AGTPBP1: variants seen among roughly 807,000 people sequenced by gnomAD.
AGTPBP1 encodes the protein ATP/GTP binding carboxypeptidase 1.
In AGTPBP1, 70 loss-of-function variants were observed where a neutral mutation model predicts 143.9. The observed-to-expected ratio is 0.49, with a 90% CI of 0.40 to 0.59. AGTPBP1 has a LOEUF of 0.59. Ranked by LOEUF, AGTPBP1 falls within the 20% of genes least tolerant of loss-of-function variation. The pLI is 0.00. For synonymous variants in AGTPBP1, 463 were observed against 500.2 expected, an observed-to-expected ratio of 0.93 and a Z score of 0.99; for missense variants, 1,229 against 1,464.5, an observed-to-expected ratio of 0.84 and a Z score of 2.62.
chr9:85,741,330 A>T (rs569304388), intron 1 of AGTPBP1: 1 of 985,378 alleles, frequency 1.0e-6, no homozygotes, highest in East Asian at 1.1e-4. Context: ...CCCGCGATTC[A>T]GCGGCCCGCT....
intron 13 of AGTPBP1, among the ~76,000 whole-genome samples, chr9:85,639,367 G>GCGCACA (rs1554713133): frequency 0.018 from 2,614 of 147,298 alleles, 32 homozygotes; most frequent in East Asian, 0.059. Context: ...GCGCGCACGC[G>GCGCACA]CACACACACA....
At chr9:85,692,887 T>C in intron 2 of AGTPBP1, 74 bp from the exon 3 acceptor site, 1 of 1,503,920 alleles carries the variant, frequency 6.6e-7, no homozygotes, top group Non-Finnish European at 9.0e-7. Flanking sequence ...GATCACTGTT[T>C]AAAAAACAAT....
intron 13 of AGTPBP1, among the ~76,000 whole-genome samples, chr9:85,640,065 T>C (rs909489077): frequency 4.6e-5 from 7 of 152,130 alleles, no homozygotes; most frequent in African/African-American, 1.4e-4. Context: ...CAAATGAAAG[T>C]GGAAAAAGTC....
upstream of AGTPBP1, among the ~76,000 whole-genome samples, chr9:85,744,186 C>T (rs1824556840): frequency 6.6e-6 from 1 of 152,082 alleles, no homozygotes; most frequent in South Asian, 2.1e-4. Flanking sequence ...CTGCCTTAGC[C>T]TCCCAAAATG....
intron 22 of AGTPBP1, 123 bp downstream of exon 22, chr9:85,586,708 T>C (rs968101471): frequency 5.3e-5 from 64 of 1,215,792 alleles, no homozygotes; most frequent in South Asian, 1.5e-4. Context: ...TTCAACCTTA[T>C]AAAATTAAGA....
At chr9:85,692,548 A>T in intron 3 of AGTPBP1, 141 bp downstream of exon 3, 1 of 965,230 alleles carries the variant, frequency 1.0e-6, no homozygotes, top group South Asian at 1.7e-5. Context: ...TGCTGGGATT[A>T]CAGGTGTGAG....
At chr9:85,679,824 A>G (rs1421072540) in intron 4 of AGTPBP1, among the ~76,000 whole-genome samples, 2 of 152,158 alleles carry the variant, frequency 1.3e-5, no homozygotes, top group African/African-American at 4.8e-5. Context: ...ATATAGTTGA[A>G]TCTATCAATC....
At chr9:85,692,225 C>T (rs1451316249) in intron 3 of AGTPBP1, among the ~76,000 whole-genome samples, 1 of 151,708 alleles carries the variant, frequency 6.6e-6, no homozygotes, top group Admixed American at 6.6e-5. Context: ...GATCAATTTC[C>T]TCCAAAGTTA....
At chr9:85,568,588 A>C (rs1337132874) in intron 25 of AGTPBP1, among the ~76,000 whole-genome samples, 1 of 152,152 alleles carries the variant, frequency 6.6e-6, no homozygotes, top group Non-Finnish European at 1.5e-5. Context: ...CACACGAGTG[A>C]CTAGTGCATG....
chr9:85,775,113 G>A, the AGTPBP1 span, among the ~76,000 whole-genome samples: 2 of 151,974 alleles, frequency 1.3e-5, no homozygotes, highest in African/African-American at 4.8e-5. Flanking sequence ...GACCAGCCTG[G>A]CCAACATGGC....
At chr9:85,560,082 C>A (rs1019606743) in intron 25 of AGTPBP1, among the ~76,000 whole-genome samples, 15 of 152,132 alleles carry the variant, frequency 9.9e-5, no homozygotes, top group Admixed American at 2.6e-4. Flanking sequence ...TCCAGCCCAC[C>A]AGTATCAAAA....
chr9:85,554,310 T>G (rs1434767621), intron 25 of AGTPBP1: 1 of 152,190 alleles, frequency 6.6e-6, no homozygotes, highest in African/African-American at 2.4e-5. Context: ...ACCTCAACAC[T>G]TGACAGTTTT....
chr9:85,674,042 G>C (rs774694620), intron 6 of AGTPBP1, among the ~76,000 whole-genome samples: 8 of 149,168 alleles, frequency 5.4e-5, no homozygotes, highest in South Asian at 4.3e-4. Context: ...AGAATGGCAT[G>C]AACCCAGGAG....
In AGTPBP1 at chr9:85,633,042, T is replaced by C. The variant is rs1431079880; in HGVS notation, c.1635A>G (p.Gln545=). ...DRITLQNIPS[Q]TAPGFTAEMK... is the part of the protein sequence containing the mutation. ...TTTCTGCAGTAAAACCTGGGGCTGT[T>C]TGAGAAGGAATATTCTGCAATGTAA... Residue 545 remains glutamine, a synonymous_variant, in exon 14 of 26, where the codon CAA becomes CAG. Transcript: ENST00000357081. 6 of 1,614,022 alleles carry C rather than the reference T, an allele frequency of 3.7e-6. No homozygotes were observed. Among genetic ancestry groups the C allele is most frequent in the African/African-American group, 1.3e-5 (1 of 74,920 alleles).
intron 14 of AGTPBP1, among the ~76,000 whole-genome samples, chr9:85,624,474 G>GTTTA (rs1460735443): frequency 6.6e-6 from 1 of 152,146 alleles, no homozygotes; most frequent in African/African-American, 2.4e-5. Context: ...CATATAAAAT[G>GTTTA]CTTGTTACTG....
intron 6 of AGTPBP1, 22 bp from the exon 7 acceptor site, chr9:85,672,703 AATT>A (rs753011912): frequency 1.4e-5 from 21 of 1,551,982 alleles, no homozygotes; most frequent in Non-Finnish European, 1.7e-5. Flanking sequence ...AAAAAAAGAC[AATT>A]TATGCACATA....
chr9:85,608,192 TA>T (rs1272261738), intron 17 of AGTPBP1, among the ~76,000 whole-genome samples: 1 of 152,048 alleles, frequency 6.6e-6, no homozygotes, highest in Admixed American at 6.6e-5. Flanking sequence ...AAGTAGATTT[TA>T]GAATAAAAAA....
rs139436029 is a variant in AGTPBP1 at position 85,740,836 on chromosome 9, A to G, written c.-34+939T>C. 1.2e-3 allele frequency among the ~76,000 whole-genome samples: 187 copies of G among 152,380 alleles called. 1 individual carries two copies. Among genetic ancestry groups the G allele is most frequent in the African/African-American group, 3.7e-3 (155 of 41,592 alleles). On this transcript the variant is annotated intron_variant, in intron 1 of 25. Coordinates refer to ENST00000357081, the MANE Select transcript of AGTPBP1 (RefSeq NM_001330701.2). ...CCACATAGAATTAATACTGCCAAAG[A>G]AAATTTCCGCTATCTTCAGGCACTT...
intron 25 of AGTPBP1, among the ~76,000 whole-genome samples, chr9:85,557,182 C>G (rs1036260915): frequency 1.3e-5 from 2 of 152,178 alleles, no homozygotes; most frequent in African/African-American, 4.8e-5. Flanking sequence ...ATAGCTAAGT[C>G]TTCCAGACTA....
Sources: gnomAD v4.1 joint callset for allele counts (sites outside exome capture counted in the v4.1 genomes callset) on GRCh38, gnomAD v4.1.1 for gene constraint, MANE v1.5 for transcripts, NCBI Gene and HGNC (gene_info 2026-07-23, HGNC 2026-07-21) for gene names.